PHACTR2: variants seen among roughly 807,000 people sequenced by gnomAD.
PHACTR2 encodes the protein chromosome 6 open reading frame 56.
In PHACTR2, 30 loss-of-function variants were observed where a neutral mutation model predicts 76.0. The observed-to-expected ratio is 0.39, with a 90% confidence interval of 0.30 to 0.54. The LOEUF is 0.54. PHACTR2 is among the 20% of genes least tolerant of loss of function. The probability of loss-of-function intolerance (pLI) is 0.61; values close to 1 mark genes in which losing one functional copy is unlikely to be tolerated. For synonymous variants in PHACTR2, 292 were observed against 292.5 expected (o/e 1.00, Z 0.02); for missense variants, 696 against 781.1 (o/e 0.89, Z 1.30).
Position 143,618,587 on chromosome 6 carries a change from A to G in PHACTR2, c.13+10265A>G, listed in dbSNP as rs1486144019. ...GCATCTAGTATTGGGAGGATCCACC[A>G]GGGACTGGCAGGGGAGGCTGGGGGG... On this transcript the variant is annotated intron_variant, in intron 1 of 11. Coordinates refer to the PHACTR2 transcript ENST00000305766. This position sits in a 1 kb window ranked among gnomAD's most constrained non-coding sequence, Gnocchi z 5.2. 7.7e-6 allele frequency among the ~76,000 whole-genome samples: 1 copy of G among 129,622 alleles called. No homozygotes were observed. The highest frequency in any genetic ancestry group is 1.7e-5 in the Non-Finnish European group (1 of 58,238). The allele number at this position is 129,622 out of a possible 152,430, so 85.0% of individuals were successfully genotyped here.
In PHACTR2 at chr6:143,712,111, A is replaced by G. The variant is rs1414979663; in HGVS notation, c.142A>G (p.Ile48Val). ...CAAAAGAAAGGGGAAACTATCCACCATTGGTAAAATCTTTAAGCCTTGGAA... is the reference window on the plus strand; with the variant it reads ...CAAAAGAAAGGGGAAACTATCCACCGTTGGTAAAATCTTTAAGCCTTGGAA... ...PFKRKGKLST[I>V]GKIFKPWKWR... Residue 48 changes from isoleucine (I) to valine (V), a missense_variant, in exon 2 of 13, where the codon ATT becomes GTT. Coordinates refer to ENST00000440869, the MANE Select transcript of PHACTR2 (RefSeq NM_001100164.2). The G allele has an allele frequency of 3.8e-6, 6 of 1,593,822 alleles. No individual in the cohort carries two copies. The highest frequency in any genetic ancestry group is 5.1e-6 in the Non-Finnish European group (6 of 1,173,132).
intron 1 of PHACTR2, among the ~76,000 whole-genome samples, chr6:143,705,586 G>T (rs1287965604): frequency 6.6e-6 from 1 of 152,168 alleles, no homozygotes; most frequent in African/African-American, 2.4e-5. Context: ...ATGAGCCACC[G>T]TGCCTGGCCA....
chr6:143,612,757 T>TA (rs1269677927), intron 1 of PHACTR2, among the ~76,000 whole-genome samples: 6 of 152,162 alleles, frequency 3.9e-5, no homozygotes, highest in South Asian at 2.1e-4. Flanking sequence ...AAAAACTTGA[T>TA]AAAAAATTAG....
At chr6:143,644,253 G>A (rs1013865528) in intron 1 of PHACTR2, among the ~76,000 whole-genome samples, 14 of 152,082 alleles carry the variant, frequency 9.2e-5, no homozygotes, top group Admixed American at 7.9e-4. Context: ...GGAACACAAG[G>A]TCAGGAGATC....
chr6:143,798,105 G>T (rs1407030242), intron 11 of PHACTR2, among the ~76,000 whole-genome samples: 1 of 152,088 alleles, frequency 6.6e-6, no homozygotes, highest in Middle Eastern at 3.4e-3. Flanking sequence ...CCTTGAAGAG[G>T]TCCTTCATAT....
upstream of PHACTR2, among the ~76,000 whole-genome samples, chr6:143,606,326 C>T (rs965478051): frequency 1.3e-5 from 2 of 152,034 alleles, no homozygotes; most frequent in African/African-American, 2.4e-5. Context: ...TTATATAAAT[C>T]GCATTGTGAG....
intron 6 of PHACTR2, among the ~76,000 whole-genome samples, chr6:143,770,068 T>C (rs183922333): frequency 5.3e-5 from 8 of 152,292 alleles, no homozygotes; most frequent in Admixed American, 2.0e-4. Flanking sequence ...AGCAGTATTA[T>C]TCACAATAGC....
chr6:143,757,259 A>T lies in PHACTR2; in HGVS notation c.455-3142A>T, dbSNP rs1361286289. Among the ~76,000 whole-genome samples, 1 of 152,226 alleles carries T rather than the reference A, an allele frequency of 6.6e-6. No individual in the cohort carries two copies. Among genetic ancestry groups the T allele is most frequent in the African/African-American group, 2.4e-5 (1 of 41,478 alleles). On this transcript the variant is annotated intron_variant, in intron 4 of 12. Transcript: ENST00000440869. This position sits in a 1 kb window ranked among gnomAD's most constrained non-coding sequence, Gnocchi z 4.2. ...GTAAATGAAAAATGGCCTTTGCCTTAAGAGCATGACCTGTGAGGAGACCAG... is the reference window on the plus strand; with the variant it reads ...GTAAATGAAAAATGGCCTTTGCCTTTAGAGCATGACCTGTGAGGAGACCAG...
rs1775465578 is a variant in PHACTR2 at position 143,783,004 on chromosome 6, C to T, written c.1646-215C>T. On this transcript the variant is annotated intron_variant, in intron 9 of 12. Transcript: ENST00000440869. The surrounding 1 kb of genome is among the most constrained non-coding windows in gnomAD (Gnocchi z 5.2). ...AAGCAAACCAGTCCTACAAAAAAAGCATGTGTGTGTGTGTGTGTGTGTGTG... is the reference window on the plus strand; with the variant it reads ...AAGCAAACCAGTCCTACAAAAAAAGTATGTGTGTGTGTGTGTGTGTGTGTG... 7.2e-5 allele frequency among the ~76,000 whole-genome samples: 3 copies of T among 41,756 alleles called. No individual in the cohort carries two copies. The South Asian group carries it at 3.1e-3, about 43-fold the overall frequency. 27.4% of individuals were successfully genotyped at this position (41,756 alleles called of 152,430 possible). A position where few individuals can be genotyped will look rare whatever the true frequency, so the allele number is the denominator to read the frequency against.
In PHACTR2 at chr6:143,552,972, C is replaced by A. The variant is rs562736799; in HGVS notation, c.217+15765C>A. On this transcript the variant is annotated intron_variant, in intron 1 of 11. Coordinates refer to the PHACTR2 transcript ENST00000367584. ...ACATTGAAGAAACCTTTAGGAAAAC[C>A]GGCATGATCTCTGATGTCCAGCTGC... Among the ~76,000 whole-genome samples the A allele has an allele frequency of 2.0e-5, 3 of 151,868 alleles. No individual in the cohort carries two copies. In the South Asian group the frequency reaches 6.3e-4, roughly 32 times the overall value.
chr6:143,589,594 G>C lies in PHACTR2; in HGVS notation c.217+52387G>C, dbSNP rs1775666443. 6.6e-6 allele frequency among the ~76,000 whole-genome samples: 1 copy of C among 152,094 alleles called. No individual in the cohort carries two copies. Among genetic ancestry groups the C allele is most frequent in the African/African-American group, 2.4e-5 (1 of 41,422 alleles). On this transcript the variant is annotated intron_variant, in intron 1 of 11. Coordinates refer to the PHACTR2 transcript ENST00000367584. This position sits in a 1 kb window ranked among gnomAD's most constrained non-coding sequence, Gnocchi z 4.4. ...TGTATCCTCAGGTGGTCTTTTCTCT[G>C]TGTGTTCACTTCCGGTGTCTCTGTG...
rs2128446455 is a variant in PHACTR2, at chr6:143,652,465, G to C, written c.13+44143G>C. ...ATTTTAGCTGATGGACATTTGAGCT[G>C]GCATTACTTAAATGAGAATCTCTTC... is the stretch of plus-strand genomic sequence containing the variant. On this transcript the variant is annotated intron_variant, in intron 1 of 11. Transcript: ENST00000305766. This position sits in a 1 kb window ranked among gnomAD's most constrained non-coding sequence, Gnocchi z 4.5. Among the ~76,000 whole-genome samples the C allele has an allele frequency of 6.6e-6, 1 of 152,256 alleles. No homozygotes were observed. The highest frequency in any genetic ancestry group is 2.1e-4 in the South Asian group (1 of 4,820).
At chr6:143,758,222 A>G (rs922099700) in intron 4 of PHACTR2, among the ~76,000 whole-genome samples, 1 of 152,220 alleles carries the variant, frequency 6.6e-6, no homozygotes, top group African/African-American at 2.4e-5. Context: ...AGCCTTAGGC[A>G]GAAAGGAAAA....
At position 143,743,754 on chromosome 6, in the gene PHACTR2, A is replaced by T. The variant is rs1778994432; in HGVS notation, c.215-5231A>T. Among the ~76,000 whole-genome samples, 1 of 152,232 alleles carries T rather than the reference A, an allele frequency of 6.6e-6. No individual in the cohort carries two copies. Among genetic ancestry groups the T allele is most frequent in the South Asian group, 2.1e-4 (1 of 4,828 alleles). On this transcript the variant is annotated intron_variant, in intron 2 of 12. Transcript: ENST00000440869. This position sits in a 1 kb window ranked among gnomAD's most constrained non-coding sequence, Gnocchi z 5.0. ...TACAGTGAGGCCATTCAGTACTCAG[A>T]ACTGAGAAGATAGCATGGCACGCTT...
At position 143,602,305 on chromosome 6, in the gene PHACTR2, CTTAG is replaced by C. The variant is rs943747314; in HGVS notation, c.217+65102_217+65105del. On this transcript the variant is annotated intron_variant, in intron 1 of 11. Transcript: ENST00000367584. The surrounding 1 kb of genome is among the most constrained non-coding windows in gnomAD (Gnocchi z 6.1). ...CCAGTATTTAGGGACCCACGTGAAG[CTTAG>C]TTAATTATTGATTATGAAGACTTAT... Among the ~76,000 whole-genome samples, 1 of 152,190 alleles carries C rather than the reference CTTAG, an allele frequency of 6.6e-6. No individual in the cohort carries two copies. The highest frequency in any genetic ancestry group is 1.5e-5 in the Non-Finnish European group (1 of 68,036).
chr6:143,619,910 C>T lies in PHACTR2; in HGVS notation c.13+11588C>T, dbSNP rs963631751. Among the ~76,000 whole-genome samples the T allele has an allele frequency of 3.3e-5, 5 of 152,168 alleles. No homozygotes were observed. In the South Asian group the frequency reaches 6.2e-4, roughly 19 times the overall value. On this transcript the variant is annotated intron_variant, in intron 1 of 11. Transcript: ENST00000305766. The surrounding 1 kb of genome is among the most constrained non-coding windows in gnomAD (Gnocchi z 4.5). Reference sequence around the variant, plus strand: ...TGAGATTCTATAGTCTTCACAGCGCCGATCATGCTTGCTTGTGGTACTTAC... The same window carrying T: ...TGAGATTCTATAGTCTTCACAGCGCTGATCATGCTTGCTTGTGGTACTTAC...
chr6:143,779,613 G>A (rs1326391468), intron 9 of PHACTR2, among the ~76,000 whole-genome samples: 1 of 152,152 alleles, frequency 6.6e-6, no homozygotes, highest in African/African-American at 2.4e-5. Flanking sequence ...CTCCCAAAGT[G>A]CTGGGATTAC....
Position 143,571,583 on chromosome 6 carries a change from TAA to T in PHACTR2, c.217+34379_217+34380del, listed in dbSNP as rs1400057968. On this transcript the variant is annotated intron_variant, in intron 1 of 11. Transcript: ENST00000367584. This position sits in a 1 kb window ranked among gnomAD's most constrained non-coding sequence, Gnocchi z 4.6. The stretch of plus-strand genomic sequence containing the variant: ...ACTGCCACACCTGGTTAATTTTTTT[TAA>T]AATTTTTTTATAGAGATGAGGTCTT... Among the ~76,000 whole-genome samples, 17 of 146,220 alleles carry T rather than the reference TAA, an allele frequency of 1.2e-4. No individual in the cohort carries two copies. The highest frequency in any genetic ancestry group is 3.9e-4 in the East Asian group (2 of 5,112).
intron 1 of PHACTR2, among the ~76,000 whole-genome samples, chr6:143,690,210 A>G (rs1777612791): frequency 6.6e-6 from 1 of 152,186 alleles, no homozygotes; most frequent in Admixed American, 6.5e-5. Context: ...GCTTCTCAAT[A>G]TGTTCAAATA....
Sources: gnomAD v4.1 joint callset for allele counts (sites outside exome capture counted in the v4.1 genomes callset) on GRCh38, gnomAD v4.1.1 for gene constraint, Gnocchi (gnomAD v3.1) non-coding constraint, MANE v1.5 for transcripts, NCBI Gene and HGNC (gene_info 2026-07-23, HGNC 2026-07-21) for gene names.